The following CPHXL variants were observed in gnomAD, a reference collection of about 807,000 sequenced individuals.
The protein encoded by CPHXL is cytoplasmic polyadenylated homeobox like.
At chr16:75,718,129 A>G (rs1567528302) in intron 2 of CPHXL, 136 bp downstream of exon 2, 1 of 388,994 alleles carries the variant, frequency 2.6e-6, no homozygotes, top group Non-Finnish European at 4.5e-6. Flanking sequence ...GAGGTGGGGG[A>G]ATCACCTGAG....
At chr16:75,717,973 AGGACTTTG>A (rs1959417521) in intron 2 of CPHXL, among the ~76,000 whole-genome samples, 1 of 152,178 alleles carries the variant, frequency 6.6e-6, no homozygotes. Flanking sequence ...TTGTAACCCC[AGGACTTTG>A]GGATGCTGAG....
intron 2 of CPHXL, 56 bp downstream of exon 2, chr16:75,718,209 A>C (rs1959421136): frequency 2.5e-6 from 1 of 397,238 alleles, no homozygotes; most frequent in African/African-American, 2.1e-5. Context: ...TAGGAGTGAG[A>C]CCTTGTCTAA....
intron 1 of CPHXL, among the ~76,000 whole-genome samples, chr16:75,723,697 A>G (rs1299087350): frequency 1.3e-5 from 2 of 152,172 alleles, no homozygotes; most frequent in African/African-American, 4.8e-5. Context: ...TATAGATTCA[A>G]TGCCATCCCC....
rs1028916779 is a variant in CPHXL, at chr16:75,718,319, G to A, written c.165C>T (p.Tyr55=). 7 of 398,636 alleles carry A rather than the reference G, an allele frequency of 1.8e-5. No homozygotes were observed. Among genetic ancestry groups the A allele is most frequent in the African/African-American group, 8.2e-5 (4 of 48,598 alleles). 24.7% of individuals were successfully genotyped at this position (398,636 alleles called of 1,614,324 possible). ...TGATGGCCAGTGTTTTCCTAGTTGT[G>A]TAATCGGGATAACAGTTCTCTCCAA... ...EIFGENCYPD[Y]TTRKTLAIKF... is the part of the protein sequence containing the mutation. Residue 55 remains tyrosine (Y), a synonymous_variant, in exon 2 of 3, where the codon TAC becomes TAT. Transcript: ENST00000640559.
rs145351442 is a variant in CPHXL at position 75,716,024 on chromosome 16, A to C, written c.220-802T>G. Among the ~76,000 whole-genome samples the C allele has an allele frequency of 6.9e-3, 1,054 of 152,208 alleles. 6 individuals are homozygous for C. The highest frequency in any genetic ancestry group is 0.012 in the Non-Finnish European group (797 of 67,992). ...ACATTTCTGTTTCTTATATGTACAT[A>C]ATTCTGACATGCATTGGTTCACGGG... On this transcript the variant is annotated intron_variant, in intron 2 of 2. Transcript: ENST00000640559.
In CPHXL at chr16:75,718,326, G is replaced by A. The variant is rs912294203; in HGVS notation, c.158C>T (p.Pro53Leu). The change falls in exon 2 of 3, where the codon CCC becomes CTC. Residue 53 changes from proline (P) to leucine (L), a missense_variant. Coordinates refer to ENST00000640559, the MANE Select transcript of CPHXL (RefSeq NM_001355613.1). ...LKEIFGENCYPDYTTRKTLAI... is the reference protein window; with the variant it reads ...LKEIFGENCYLDYTTRKTLAI... ...CAGTGTTTTCCTAGTTGTGTAATCG[G>A]GATAACAGTTCTCTCCAAATATTTC... 1 of 398,736 alleles carries A rather than the reference G, an allele frequency of 2.5e-6. No homozygotes were observed. The highest frequency in any genetic ancestry group is 1.3e-4 in the South Asian group (1 of 7,864). The allele number at this position is 398,736 out of a possible 1,614,324, so 24.7% of individuals were successfully genotyped here. A position where few individuals can be genotyped will look rare whatever the true frequency, so the allele number is the denominator to read the frequency against.
chr16:75,722,504 A>G (rs1217345579), intron 1 of CPHXL, among the ~76,000 whole-genome samples: 10 of 152,220 alleles, frequency 6.6e-5, no homozygotes, highest in Non-Finnish European at 1.5e-4. Flanking sequence ...TAGAAAATCT[A>G]GAAGAAATGG....
chr16:75,724,316 C>G (rs1034289802), intron 1 of CPHXL, among the ~76,000 whole-genome samples: 23 of 152,172 alleles, frequency 1.5e-4, no homozygotes, highest in Admixed American at 1.2e-3. Flanking sequence ...GTAAAAGGAA[C>G]TACCATCAGA....
intron 1 of CPHXL, among the ~76,000 whole-genome samples, chr16:75,719,490 G>A (rs186731108): frequency 8.8e-4 from 134 of 152,278 alleles, no homozygotes; most frequent in Non-Finnish European, 1.6e-3. Context: ...CTACGCCCAT[G>A]GAGCCTCGCT....
chr16:75,724,981 T>A (rs1959533720), intron 1 of CPHXL, among the ~76,000 whole-genome samples: 1 of 152,114 alleles, frequency 6.6e-6, no homozygotes, highest in Admixed American at 6.5e-5. Flanking sequence ...TGTAGGGACA[T>A]GGATGAAGCT....
At chr16:75,722,478 C>T (rs2151839896) in intron 1 of CPHXL, among the ~76,000 whole-genome samples, 1 of 152,218 alleles carries the variant, frequency 6.6e-6, no homozygotes, top group Non-Finnish European at 1.5e-5. Context: ...CTATAAACAC[C>T]TCTACACAAG....
intron 2 of CPHXL, among the ~76,000 whole-genome samples, chr16:75,715,842 G>A (rs1597219037): frequency 6.6e-6 from 1 of 151,630 alleles, no homozygotes; most frequent in East Asian, 1.9e-4. Context: ...AATTACAGGA[G>A]CACCACCATG....
intron 1 of CPHXL, among the ~76,000 whole-genome samples, chr16:75,723,704 C>T (rs1406768707): frequency 1.3e-5 from 2 of 152,136 alleles, no homozygotes; most frequent in Non-Finnish European, 2.9e-5. Flanking sequence ...TCAATGCCAT[C>T]CCCATCAAGC....
At chr16:75,719,797 A>G (rs972222323) in intron 1 of CPHXL, among the ~76,000 whole-genome samples, 2 of 152,194 alleles carry the variant, frequency 1.3e-5, no homozygotes, top group African/African-American at 4.8e-5. Context: ...GAACGGACAG[A>G]CTGCCTCCTC....
intron 1 of CPHXL, among the ~76,000 whole-genome samples, chr16:75,723,020 C>T (rs571957731): frequency 1.4e-3 from 209 of 151,966 alleles, no homozygotes; most frequent in South Asian, 3.7e-3. Context: ...TCTCAATAGA[C>T]GCAGAAAAGG....
chr16:75,715,751 C>T (rs1057086102), intron 2 of CPHXL, among the ~76,000 whole-genome samples: 1 of 151,830 alleles, frequency 6.6e-6, no homozygotes, highest in African/African-American at 2.4e-5. Context: ...GGCTGGAGTG[C>T]AATGGTGTGA....
intron 2 of CPHXL, 74 bp from the exon 3 acceptor site, chr16:75,715,296 A>G (rs1237724198): frequency 2.5e-6 from 1 of 398,008 alleles, no homozygotes; most frequent in Non-Finnish European, 4.4e-6. Context: ...TCCTTAATGT[A>G]GGAGGATTTT....
At chr16:75,719,548 C>G (rs943994754) in intron 1 of CPHXL, among the ~76,000 whole-genome samples, 2 of 151,802 alleles carry the variant, frequency 1.3e-5, no homozygotes, top group African/African-American at 4.9e-5. Flanking sequence ...TGGCAGCGAG[C>G]CTGGAGGAGG....
At chr16:75,722,243 A>G (rs1052196963) in intron 1 of CPHXL, among the ~76,000 whole-genome samples, 2 of 152,226 alleles carry the variant, frequency 1.3e-5, no homozygotes, top group African/African-American at 2.4e-5. Flanking sequence ...AAGGCAAGAA[A>G]TAACTAAGAT....
Sources: allele counts gnomAD v4.1 joint callset (sites outside exome capture counted in the v4.1 genomes callset), GRCh38; gene constraint gnomAD v4.1.1; transcripts MANE v1.5; gene names NCBI Gene and HGNC (gene_info 2026-07-23, HGNC 2026-07-21).